Variants in NDRG1 observed in about 807,000 individuals in gnomAD.
The protein encoded by NDRG1 is protein NDRG1.
In NDRG1, 32 loss-of-function variants were observed where a neutral mutation model predicts 56.9. The observed-to-expected ratio is 0.56, with a 90% confidence interval of 0.42 to 0.76. The LOEUF is 0.76. Ranked by LOEUF, NDRG1 falls within the 30% of genes least tolerant of loss-of-function variation. The pLI is 0.00. For missense variants in NDRG1, 507 were observed against 545.7 expected, an observed-to-expected ratio of 0.93 and a Z score of 0.71; for synonymous variants, 211 against 204.1, an observed-to-expected ratio of 1.03 and a Z score of -0.29.
intron 1 of NDRG1, chr8:133,284,828 GACAC>G: frequency 2.2e-6 from 1 of 456,876 alleles, no homozygotes; most frequent in Non-Finnish European, 4.4e-6. Context: ...CAGACGCACA[GACAC>G]ACAGGCACAC....
chr8:133,259,287 A>C, intron 5 of NDRG1, 57 bp from the exon 6 acceptor site: 2 of 1,544,030 alleles, frequency 1.3e-6, no homozygotes, highest in Non-Finnish European at 1.8e-6. Context: ...GGGTAATCCA[A>C]ACAGGGACAC....
chr8:133,248,785 A>G lies in NDRG1; in HGVS notation c.699-14T>C. On this transcript the variant is annotated splice_polypyrimidine_tract_variant and intron_variant, in intron 10 of 15. Transcript: ENST00000323851. ...AGGTCGCGCCGGCTGCAGGAAACAA[A>G]TGCATCATTAGCATGAGGACCCCTC... 6.2e-7 allele frequency: 1 copy of G among 1,614,116 alleles called. No individual in the cohort carries two copies. Among genetic ancestry groups the G allele is most frequent in the Non-Finnish European group, 8.5e-7 (1 of 1,180,012 alleles).
chr8:133,254,608 A>C lies in NDRG1; in HGVS notation c.538-13T>G. On this transcript the variant is annotated splice_polypyrimidine_tract_variant and intron_variant, in intron 8 of 15. Coordinates refer to ENST00000323851, the MANE Select transcript of NDRG1 (RefSeq NM_006096.4). ...TCCATCCTGAGATCTGGAAAGGAGT[A>C]AAGTGGGTGGATGAGAAACCAGGAG... The C allele has an allele frequency of 6.2e-7, 1 of 1,613,742 alleles. No individual in the cohort carries two copies. The highest frequency in any genetic ancestry group is 8.5e-7 in the Non-Finnish European group (1 of 1,179,830).
intron 13 of NDRG1, among the ~76,000 whole-genome samples, chr8:133,244,890 G>A (rs935517146): frequency 1.3e-5 from 2 of 152,220 alleles, no homozygotes; most frequent in African/African-American, 4.8e-5. Flanking sequence ...GACGTTCAAA[G>A]TCCCTGTGAA....
chr8:133,274,443 A>C (rs1184840086), intron 3 of NDRG1, among the ~76,000 whole-genome samples: 1 of 152,250 alleles, frequency 6.6e-6, no homozygotes, highest in Non-Finnish European at 1.5e-5. Flanking sequence ...GGCTGCTTTC[A>C]GATACACAAA....
At chr8:133,276,285 T>C (rs1857453312) in intron 3 of NDRG1, among the ~76,000 whole-genome samples, 1 of 152,186 alleles carries the variant, frequency 6.6e-6, no homozygotes, top group Non-Finnish European at 1.5e-5. Context: ...GATGGGAGAA[T>C]GTAAAAGTGT....
At chr8:133,239,292 G>T in intron 15 of NDRG1, 173 bp from the exon 16 acceptor site, 4 of 1,057,778 alleles carry the variant, frequency 3.8e-6, no homozygotes, top group African/African-American at 1.6e-5. Context: ...CGGAGAGAGA[G>T]ATGGCAAGGC....
chr8:133,259,060 T>C (rs908211858), intron 6 of NDRG1, 108 bp downstream of exon 6: 12 of 1,187,314 alleles, frequency 1.0e-5, no homozygotes, highest in Non-Finnish European at 1.5e-5. Context: ...CATCTCTAAA[T>C]TGCAACCTTA....
chr8:133,241,965 G>C (rs549463938), intron 15 of NDRG1, 58 bp downstream of exon 15: 7 of 1,593,226 alleles, frequency 4.4e-6, no homozygotes, highest in East Asian at 4.5e-5. Flanking sequence ...TCAGGACAGA[G>C]CACTTCCAAT....
chr8:133,296,251 A>AGGGGAGGAAAGCG (rs1858748696), intron 1 of NDRG1, among the ~76,000 whole-genome samples: 1 of 79,090 alleles, frequency 1.3e-5, no homozygotes, highest in Non-Finnish European at 2.6e-5. Flanking sequence ...GAGGCAGGGG[A>AGGGGAGGAAAGCG]GGGGAGGAAA....
At chr8:133,272,992 G>A (rs1226986201) in intron 3 of NDRG1, among the ~76,000 whole-genome samples, 1 of 152,172 alleles carries the variant, frequency 6.6e-6, no homozygotes, top group Admixed American at 6.5e-5. Context: ...CCACCGAATG[G>A]GATTGTACAT....
chr8:133,275,695 C>T (rs1157732982), intron 3 of NDRG1, among the ~76,000 whole-genome samples: 3 of 152,228 alleles, frequency 2.0e-5, no homozygotes, highest in Non-Finnish European at 1.5e-5. Flanking sequence ...GTTTGTTTGA[C>T]TCTTTCTTCT....
In NDRG1 at chr8:133,284,294, C is replaced by T. The variant is rs951266228; in HGVS notation, c.18G>A (p.Gln6=). The T allele has an allele frequency of 2.5e-6, 4 of 1,614,194 alleles. No individual in the cohort carries two copies. The highest frequency in any genetic ancestry group is 3.4e-6 in the Non-Finnish European group (4 of 1,180,040). The change falls in exon 2 of 16, where the codon CAG becomes CAA. Residue 6 remains glutamine (Q), a synonymous_variant. Coordinates refer to ENST00000323851, the MANE Select transcript of NDRG1 (RefSeq NM_006096.4). MSREM[Q]DVDLAEVKPL... ...GCTTCACCTCAGCGAGGTCTACATC[C>T]TGCATCTCCCGAGACATGTCCCTGC...
At chr8:133,257,409 C>G (rs1437416731) in intron 7 of NDRG1, among the ~76,000 whole-genome samples, 1 of 151,850 alleles carries the variant, frequency 6.6e-6, no homozygotes, top group Non-Finnish European at 1.5e-5. Flanking sequence ...GTGAAGATCT[C>G]AGAGTATACT....
At position 133,259,005 on chromosome 8, in the gene NDRG1, G is replaced by C. The variant is rs991391764; in HGVS notation, c.389+163C>G. The C allele has an allele frequency of 5.2e-6, 4 of 762,092 alleles. No individual in the cohort carries two copies. In the African/African-American group the frequency reaches 6.8e-5, roughly 13 times the overall value. 47.2% of individuals were successfully genotyped at this position (762,092 alleles called of 1,614,324 possible). A position where few individuals can be genotyped will look rare whatever the true frequency, so the allele number is the denominator to read the frequency against. ...GGAGACAGACTAGAGCTCAGAGACT[G>C]TGTGAAGAACAGTGTTCACAGAGTG... On this transcript the variant is annotated intron_variant, in intron 6 of 15. Coordinates refer to ENST00000323851, the MANE Select transcript of NDRG1 (RefSeq NM_006096.4).
chr8:133,254,915 A>G, intron 8 of NDRG1: 1 of 401,826 alleles, frequency 2.5e-6, no homozygotes, highest in Non-Finnish European at 4.7e-6. Flanking sequence ...CCAAGTCCTC[A>G]GCAAAGAGGG....
At chr8:133,266,666 T>G (rs992207427) in intron 3 of NDRG1, among the ~76,000 whole-genome samples, 16 of 152,370 alleles carry the variant, frequency 1.1e-4, no homozygotes, top group Middle Eastern at 3.4e-3. Context: ...CCACCTCTGC[T>G]ACTTCTTACC....
intron 14 of NDRG1, among the ~76,000 whole-genome samples, chr8:133,243,589 T>A (rs1554748409): frequency 6.6e-6 from 1 of 152,200 alleles, no homozygotes; most frequent in Non-Finnish European, 1.5e-5. Context: ...CCTCGAAGCC[T>A]GTGCTCGTTG....
At chr8:133,243,836 G>A (rs1855514629) in intron 14 of NDRG1, among the ~76,000 whole-genome samples, 1 of 152,170 alleles carries the variant, frequency 6.6e-6, no homozygotes, top group Admixed American at 6.5e-5. Flanking sequence ...TTATAGGAGG[G>A]GAAATTGAAG....
Sources: gnomAD v4.1 joint callset for allele counts (sites outside exome capture counted in the v4.1 genomes callset) on GRCh38, gnomAD v4.1.1 for gene constraint, MANE v1.5 for transcripts, NCBI Gene and HGNC (gene_info 2026-07-23, HGNC 2026-07-21) for gene names.